Variants in TEK observed in about 807,000 individuals in gnomAD.
The protein encoded by TEK is TEK receptor tyrosine kinase.
In TEK, 43 loss-of-function variants were observed where a neutral mutation model predicts 131.8. The ratio of observed to expected loss-of-function variants is 0.33; its 90% CI spans 0.26 to 0.42. The LOEUF (loss-of-function observed/expected upper bound fraction) is 0.42. Among genes scored for constraint, TEK ranks in the 10% least tolerant of loss-of-function variants. The pLI, the probability that TEK is intolerant of heterozygous loss-of-function variation, is 1.00. For synonymous variants in TEK, 580 were observed against 491.6 expected (o/e 1.18, Z -2.38); for missense variants, 1,162 against 1,384.4 (o/e 0.84, Z 2.55).
chr9:27,192,339 A>C, intron 10 of TEK, 150 bp from the exon 11 acceptor site: 1 of 812,670 alleles, frequency 1.2e-6, no homozygotes. Context: ...ATTGGGAAGG[A>C]TGAGGCCTTG....
intron 9 of TEK, among the ~76,000 whole-genome samples, chr9:27,186,933 A>C (rs1023737339): frequency 1.3e-5 from 2 of 152,112 alleles, no homozygotes; most frequent in Non-Finnish European, 1.5e-5. Flanking sequence ...CCTCCTTCTT[A>C]TTATTACTTT....
chr9:27,190,353 T>C (rs571271185), intron 9 of TEK, among the ~76,000 whole-genome samples, 176 bp from the exon 10 acceptor site: 2 of 152,038 alleles, frequency 1.3e-5, no homozygotes, highest in Non-Finnish European at 2.9e-5. Context: ...GGATAATGGG[T>C]TGGGGAAGCA....
intron 14 of TEK, 110 bp from the exon 15 acceptor site, chr9:27,206,467 GAATTA>G (rs1380706171): frequency 8.4e-7 from 1 of 1,190,974 alleles, no homozygotes; most frequent in Non-Finnish European, 1.2e-6. Context: ...TTCCAGTCTA[GAATTA>G]AATACAGTAT....
chr9:27,182,117 C>A (rs1057010573), intron 7 of TEK, among the ~76,000 whole-genome samples: 13 of 152,170 alleles, frequency 8.5e-5, no homozygotes, highest in Non-Finnish European at 1.3e-4. Flanking sequence ...GGGCAGCTAA[C>A]AAGTTTAAGG....
chr9:27,161,664 C>A (rs574043835), intron 2 of TEK, among the ~76,000 whole-genome samples: 2 of 152,276 alleles, frequency 1.3e-5, no homozygotes, highest in South Asian at 2.1e-4. Flanking sequence ...ATGATCCTAC[C>A]TGAAGTCCTA....
chr9:27,139,100 T>C (rs891445028), intron 1 of TEK, among the ~76,000 whole-genome samples: 2 of 149,406 alleles, frequency 1.3e-5, no homozygotes, highest in African/African-American at 2.5e-5. Flanking sequence ...TCCCAGCTAC[T>C]CCGGAGGGAG....
At chr9:27,170,461 C>CA (rs1823911465) in intron 4 of TEK, among the ~76,000 whole-genome samples, 1 of 152,016 alleles carries the variant, frequency 6.6e-6, no homozygotes, top group African/African-American at 2.4e-5. Context: ...CCCGTCTCTA[C>CA]AAAAAATACA....
intron 7 of TEK, among the ~76,000 whole-genome samples, chr9:27,181,745 C>T (rs1222460133): frequency 6.6e-6 from 1 of 152,148 alleles, no homozygotes; most frequent in African/African-American, 2.4e-5. Context: ...AAAATGTTTG[C>T]TATCCACTGT....
At chr9:27,200,027 G>A (rs1825163065) in intron 12 of TEK, among the ~76,000 whole-genome samples, 1 of 151,992 alleles carries the variant, frequency 6.6e-6, no homozygotes, top group African/African-American at 2.4e-5. Context: ...TGTTATTTTG[G>A]GGTGCAGTAT....
In TEK at chr9:27,220,708, C is replaced by T. The variant is rs538401094; in HGVS notation, c.3200+563C>T. On this transcript the variant is annotated intron_variant, in intron 21 of 22. Transcript: ENST00000380036. ...AGGGGTTGGGGAACTCCCTTCCTAG[C>T]GAAGGAGGGACGGTGCCATGACGAA... Among the ~76,000 whole-genome samples, 78 of 152,282 alleles carry T rather than the reference C, an allele frequency of 5.1e-4. 1 individual carries two copies. Among genetic ancestry groups the T allele is most frequent in the African/African-American group, 1.2e-3 (50 of 41,556 alleles).
chr9:27,119,813 A>C (rs1350418536), intron 1 of TEK, among the ~76,000 whole-genome samples: 2 of 151,778 alleles, frequency 1.3e-5, no homozygotes, highest in African/African-American at 4.8e-5. Context: ...CAATTTTTTT[A>C]CTTCTAGTGG....
intron 13 of TEK, 58 bp downstream of exon 13, chr9:27,203,177 G>A: frequency 1.3e-6 from 2 of 1,587,914 alleles, no homozygotes; most frequent in South Asian, 1.1e-5. Context: ...TAGGCAGCTG[G>A]TTTATCAGGA....
chr9:27,182,127 G>T (rs1824401350), intron 7 of TEK, among the ~76,000 whole-genome samples: 1 of 152,188 alleles, frequency 6.6e-6, no homozygotes, highest in African/African-American at 2.4e-5. Flanking sequence ...CAAGTTTAAG[G>T]ATTTGAATTT....
rs140406342 is a variant in TEK at position 27,157,929 on chromosome 9, C to T, written c.151C>T (p.Pro51Ser). ...SLTCIASGWR[P>S]HEPITIGRDF... ...CACCTGCATTGCCTCTGGGTGGCGCCCCCATGAGCCCATCACCATAGGAAG... is the reference window on the plus strand; with the variant it reads ...CACCTGCATTGCCTCTGGGTGGCGCTCCCATGAGCCCATCACCATAGGAAG... Residue 51 changes from proline (P) to serine (S), a missense_variant, in exon 2 of 23, where the codon CCC becomes TCC. This residue lies in a region of TEK where 436 missense variants were observed against 539.1 expected (regional missense o/e 0.81). Transcript: ENST00000380036. 18 of 1,613,860 alleles carry T rather than the reference C, an allele frequency of 1.1e-5. No individual in the cohort carries two copies. In the South Asian group the frequency reaches 1.2e-4, roughly 11 times the overall value.
intron 7 of TEK, among the ~76,000 whole-genome samples, chr9:27,182,680 C>G (rs1824431928): frequency 6.6e-6 from 1 of 152,184 alleles, no homozygotes; most frequent in South Asian, 2.1e-4. Context: ...CATTCAATTA[C>G]AAATAGTCCA....
At chr9:27,185,219 C>T (rs1443414335) in intron 8 of TEK, among the ~76,000 whole-genome samples, 3 of 152,158 alleles carry the variant, frequency 2.0e-5, no homozygotes, top group Non-Finnish European at 4.4e-5. Context: ...AATCATGCTT[C>T]AGGTGTCTTG....
intron 1 of TEK, among the ~76,000 whole-genome samples, chr9:27,113,888 C>G (rs535198108): frequency 4.6e-5 from 7 of 152,262 alleles, no homozygotes; most frequent in African/African-American, 1.7e-4. Flanking sequence ...AGGCCCATCT[C>G]CACAATCTAC....
intron 1 of TEK, among the ~76,000 whole-genome samples, chr9:27,114,289 T>C (rs1191062999): frequency 3.3e-5 from 5 of 152,134 alleles, no homozygotes; most frequent in Non-Finnish European, 4.4e-5. Context: ...AATATTACAT[T>C]GGGCCAGGCA....
chr9:27,146,918 AC>A (rs1236299855), intron 1 of TEK, among the ~76,000 whole-genome samples: 4 of 151,820 alleles, frequency 2.6e-5, no homozygotes. Flanking sequence ...TTTAGTAGAG[AC>A]GGGGTTTCAC....
Sources: allele counts gnomAD v4.1 joint callset (sites outside exome capture counted in the v4.1 genomes callset), GRCh38; gene constraint gnomAD v4.1.1; regional missense constraint gnomAD v4.1.1; transcripts MANE v1.5; gene names NCBI Gene and HGNC (gene_info 2026-07-23, HGNC 2026-07-21).